PCDH20: variants seen among roughly 807,000 people sequenced by gnomAD.
The protein encoded by PCDH20 is protocadherin-20.
A neutral mutation model predicts 39.7 loss-of-function variants in PCDH20; 18 were observed. The ratio of observed to expected loss-of-function variants is 0.45; its 90% CI spans 0.31 to 0.67. PCDH20 has a LOEUF of 0.67. PCDH20 is among the 30% of genes least tolerant of loss of function. The pLI, the probability that PCDH20 is intolerant of heterozygous loss-of-function variation, is 0.05. For missense variants in PCDH20, 1,161 were observed against 1,167.4 expected, an observed-to-expected ratio of 0.99 and a Z score of 0.08; for synonymous variants, 495 against 455.4, an observed-to-expected ratio of 1.09 and a Z score of -1.11.
exon 2 of PCDH20, chr13:61,412,813 C>T (rs147863563): frequency 2.4e-5 from 39 of 1,613,924 alleles, no homozygotes; most frequent in Admixed American, 8.3e-5. Flanking sequence ...TGCTATGTAA[C>T]GAGGGACAAT....
chr13:61,411,144 G>A (rs1878235854), exon 2 of PCDH20: 1 of 981,502 alleles, frequency 1.0e-6, no homozygotes. Context: ...TTATAAATTA[G>A]TTGTCCTTCA....
In PCDH20 at chr13:61,412,467, G is replaced by C. The variant is rs561712771; in HGVS notation, c.1632C>G (p.Ile544Met). Residue 544 changes from isoleucine to methionine, a missense_variant, in exon 2 of 2, where the codon ATC (isoleucine) becomes ATG (methionine). Ile to Met is a conservative substitution (Grantham distance 10, BLOSUM62 1). Coordinates refer to ENST00000409204, the Ensembl canonical transcript of PCDH20. The stretch of plus-strand genomic sequence containing the variant: ...AGGCATTGGGTGAGTTGTTCTCTTC[G>C]ATGGTTAGTTCTATTAAGGGTTGAA... 4.3e-6 allele frequency: 7 copies of C among 1,614,102 alleles called. No homozygotes were observed. The South Asian group carries it at 5.5e-5, about 13-fold the overall frequency.
chr13:61,410,955 TATC>T (rs1878231969), exon 2 of PCDH20: 1 of 210,032 alleles, frequency 4.8e-6, no homozygotes, highest in African/African-American at 2.3e-5. Flanking sequence ...TCCCAGGTTT[TATC>T]AATCATCTGC....
At chr13:61,410,348 C>G (rs1323661731) in exon 2 of PCDH20, 1 of 151,960 alleles carries the variant, frequency 6.6e-6, no homozygotes, top group Admixed American at 6.5e-5. Flanking sequence ...AATATATAAC[C>G]CAAGTATAAA....
At chr13:61,414,960 G>T (rs1288845036) in intron 1 of PCDH20, 67 bp downstream of exon 1, 1 of 1,290,686 alleles carries the variant, frequency 7.7e-7, no homozygotes, top group Non-Finnish European at 1.0e-6. Flanking sequence ...AAAACCATCC[G>T]AGTGGGAATT....
chr13:61,411,537 C>T (rs781185124), exon 2 of PCDH20: 4 of 1,614,140 alleles, frequency 2.5e-6, no homozygotes, highest in South Asian at 1.1e-5. Flanking sequence ...TTAAAAGACT[C>T]TCAATGTAAC....
intron 1 of PCDH20, among the ~76,000 whole-genome samples, chr13:61,414,254 C>A (rs1301997489): frequency 6.6e-6 from 1 of 152,010 alleles, no homozygotes; most frequent in East Asian, 1.9e-4. Context: ...AATCCCAAAC[C>A]GTAAAACATC....
Sources: gnomAD v4.1 joint callset for allele counts (sites outside exome capture counted in the v4.1 genomes callset) on GRCh38, gnomAD v4.1.1 for gene constraint, MANE v1.5 for transcripts, NCBI Gene and HGNC (gene_info 2026-07-23, HGNC 2026-07-21) for gene names.